ARID1B: variants seen among roughly 807,000 people sequenced by gnomAD.
ARID1B encodes AT-rich interactive domain-containing protein 1B.
Under a neutral mutation model 212.3 loss-of-function variants are expected in ARID1B, and 30 were observed. The ratio of observed to expected loss-of-function variants is 0.14; its 90% confidence interval spans 0.11 to 0.19. The LOEUF is 0.19. ARID1B is among the 10% of genes least tolerant of loss of function. The pLI is 1.00. For missense variants in ARID1B, 2,891 were observed against 3,204.0 expected (o/e 0.90, Z 2.36); for synonymous variants, 1,402 against 1,301.7 (o/e 1.08, Z -1.66).
Position 157,148,805 on chromosome 6 carries a change from A to G in ARID1B, c.2943A>G (p.Gly981=). The change falls in exon 8 of 20, where the codon GGA becomes GGG. Residue 981 remains glycine, a synonymous_variant. Transcript: ENST00000636930. This position sits in a 1 kb window ranked among gnomAD's most constrained non-coding sequence, Gnocchi z 5.6. ...SAGMQNRPFP[G]NMSSMTPSSP... The stretch of plus-strand genomic sequence containing the variant: ...GGATGCAGAACAGACCATTTCCTGG[A>G]AATATGAGCAGCATGACCCCCAGTT... The G allele has an allele frequency of 6.2e-7, 1 of 1,613,018 alleles. No individual in the cohort carries two copies. The highest frequency in any genetic ancestry group is 8.5e-7 in the Non-Finnish European group (1 of 1,179,838).
At chr6:156,895,112 AT>A (rs1421312574) in intron 2 of ARID1B, among the ~76,000 whole-genome samples, 2 of 152,222 alleles carry the variant, frequency 1.3e-5, no homozygotes, top group Non-Finnish European at 2.9e-5. Flanking sequence ...GATTTCACAT[AT>A]CCTTTAATGT....
At chr6:156,948,612 A>T (rs1393742740) in intron 4 of ARID1B, among the ~76,000 whole-genome samples, 2 of 152,248 alleles carry the variant, frequency 1.3e-5, no homozygotes, top group East Asian at 1.9e-4. Flanking sequence ...ATTAAGACAC[A>T]GTATCTTGTC....
chr6:157,087,142 T>C (rs976734758), intron 5 of ARID1B, among the ~76,000 whole-genome samples: 1 of 152,194 alleles, frequency 6.6e-6, no homozygotes, highest in Non-Finnish European at 1.5e-5. Flanking sequence ...GGGAGGAAAT[T>C]AGGCAGCAAA....
intron 3 of ARID1B, among the ~76,000 whole-genome samples, chr6:156,909,700 G>C (rs1386919709): frequency 1.3e-5 from 2 of 152,182 alleles, no homozygotes; most frequent in African/African-American, 4.8e-5. Flanking sequence ...TTATCTGCCA[G>C]TTTTCTCTTG....
chr6:156,945,248 T>G (rs1391186586), intron 4 of ARID1B, among the ~76,000 whole-genome samples: 1 of 108,792 alleles, frequency 9.2e-6, no homozygotes, highest in Non-Finnish European at 1.9e-5. Flanking sequence ...TTTTTTTTTT[T>G]TTTTTTTTTT....
At chr6:157,187,326 G>A (rs1392542966) in intron 13 of ARID1B, among the ~76,000 whole-genome samples, 1 of 152,158 alleles carries the variant, frequency 6.6e-6, no homozygotes, top group Non-Finnish European at 1.5e-5. Flanking sequence ...CTGGCAGGTG[G>A]CTGACTGAAT....
chr6:156,916,806 G>C (rs1255516986), intron 3 of ARID1B, among the ~76,000 whole-genome samples: 4 of 152,070 alleles, frequency 2.6e-5, no homozygotes, highest in African/African-American at 9.7e-5. Context: ...TAAGATACTG[G>C]AAGAGACCTC....
At position 157,133,012 on chromosome 6, in the gene ARID1B, T is replaced by C. The variant is rs765068837; in HGVS notation, c.2582-16T>C. ...AAACACCTGCATTTATATGTTTCCATTTATTTCCCACTTAGGTTTTATGGC... is the reference window on the plus strand; with the variant it reads ...AAACACCTGCATTTATATGTTTCCACTTATTTCCCACTTAGGTTTTATGGC... On this transcript the variant is annotated splice_polypyrimidine_tract_variant and intron_variant, in intron 6 of 19. Coordinates refer to ENST00000636930, the MANE Select transcript of ARID1B (RefSeq NM_001374828.1). The C allele has an allele frequency of 3.6e-5, 57 of 1,591,798 alleles. No individual in the cohort carries two copies. The highest frequency in any genetic ancestry group is 4.5e-5 in the Non-Finnish European group (53 of 1,170,838).
In ARID1B at chr6:156,779,337, G is replaced by A. The variant is rs960728816; in HGVS notation, c.1657G>A (p.Ala553Thr). The change falls in exon 1 of 20, where the codon GCC becomes ACC. Residue 553 changes from alanine (A) to threonine (T), a missense_variant. By Grantham distance (58) the Ala-to-Thr change is moderately conservative. Coordinates refer to ENST00000636930, the MANE Select transcript of ARID1B (RefSeq NM_001374828.1). ...AGAAAGGQQA[A>T]AGMGLGKDMG... The stretch of plus-strand genomic sequence containing the variant: ...GGCGGCGGCGGGCGGCCAGCAGGCG[G>A]CCGCGGGCATGGGCTTGGGCAAGGA... 1 of 1,150,616 alleles carries A rather than the reference G, an allele frequency of 8.7e-7. No individual in the cohort carries two copies. Among genetic ancestry groups the A allele is most frequent in the Non-Finnish European group, 1.1e-6 (1 of 937,384 alleles). The allele number at this position is 1,150,616 out of a possible 1,614,324, so 71.3% of individuals were successfully genotyped here. A position where few individuals can be genotyped will look rare whatever the true frequency, so the allele number is the denominator to read the frequency against.
chr6:156,776,533 G>T (rs558399104), upstream of ARID1B: 1 of 152,310 alleles, frequency 6.6e-6, no homozygotes, highest in South Asian at 2.1e-4. Context: ...GAAGATACGA[G>T]CTAACCCATA....
intron 2 of ARID1B, among the ~76,000 whole-genome samples, chr6:156,844,075 A>C (rs1784076440): frequency 6.6e-6 from 1 of 152,128 alleles, no homozygotes; most frequent in African/African-American, 2.4e-5. Context: ...GTCTTTGTGA[A>C]TTTTACAGAA....
intron 8 of ARID1B, among the ~76,000 whole-genome samples, chr6:157,160,942 C>T (rs145068351): frequency 5.9e-5 from 9 of 152,330 alleles, no homozygotes; most frequent in African/African-American, 1.2e-4. Context: ...CTCCAAGCCA[C>T]GCATGTGGTC....
rs191961692 is a variant in ARID1B at position 157,136,702 on chromosome 6, A to C, written c.2761+3495A>C. ...CATGGTGAAACACTGCCTCTACTAAAAGTACAAAACTTAGCCGGGTGCGGT... is the reference window on the plus strand; with the variant it reads ...CATGGTGAAACACTGCCTCTACTAACAGTACAAAACTTAGCCGGGTGCGGT... On this transcript the variant is annotated intron_variant, in intron 7 of 19. Coordinates refer to ENST00000636930, the MANE Select transcript of ARID1B (RefSeq NM_001374828.1). Among the ~76,000 whole-genome samples, 22 of 151,906 alleles carry C rather than the reference A, an allele frequency of 1.4e-4. No homozygotes were observed. The East Asian group carries it at 4.1e-3, about 28-fold the overall frequency.
chr6:157,116,614 A>G (rs1259525544), intron 6 of ARID1B, among the ~76,000 whole-genome samples: 1 of 151,650 alleles, frequency 6.6e-6, no homozygotes, highest in Non-Finnish European at 1.5e-5. Flanking sequence ...TCGGACACAG[A>G]TGCAAGCAGA....
chr6:156,930,999 G>T (rs1385861526), intron 3 of ARID1B, among the ~76,000 whole-genome samples: 4 of 151,924 alleles, frequency 2.6e-5, no homozygotes, highest in Non-Finnish European at 4.4e-5. Context: ...GACCATTCTG[G>T]CCAACACAGT....
intron 1 of ARID1B, among the ~76,000 whole-genome samples, chr6:156,803,528 G>A (rs1176082902): frequency 6.6e-6 from 1 of 151,130 alleles, no homozygotes; most frequent in East Asian, 1.9e-4. Flanking sequence ...ACTTACCTTT[G>A]CCTTCGTTTT....
Position 157,148,747 on chromosome 6 carries a change from G to T in ARID1B, c.2885G>T (p.Gly962Val), listed in dbSNP as rs780312215. The T allele has an allele frequency of 1.2e-6, 2 of 1,613,260 alleles. No individual in the cohort carries two copies. The highest frequency in any genetic ancestry group is 1.7e-4 in the Middle Eastern group (1 of 6,058). The change falls in exon 8 of 20, where the codon GGT (glycine) becomes GTT (valine). Residue 962 changes from glycine (G) to valine (V), a missense_variant. Physicochemically the swap from Gly to Val is moderately radical, Grantham distance 109. Transcript: ENST00000636930. The surrounding 1 kb of genome is among the most constrained non-coding windows in gnomAD (Gnocchi z 5.6). ...GGACAAGGGCCAAGCCAGCCATGTGGTGCTGTGCCCCTGGGACGAATGCCA... is the reference window on the plus strand; with the variant it reads ...GGACAAGGGCCAAGCCAGCCATGTGTTGCTGTGCCCCTGGGACGAATGCCA... ...MHGQGPSQPC[G>V]AVPLGRMPSA...
At chr6:156,948,368 A>T (rs1157181567) in intron 4 of ARID1B, among the ~76,000 whole-genome samples, 2 of 151,632 alleles carry the variant, frequency 1.3e-5, no homozygotes, top group African/African-American at 2.4e-5. Flanking sequence ...GTGTGCCACC[A>T]CGCCTGGCTA....
intron 2 of ARID1B, among the ~76,000 whole-genome samples, chr6:156,886,859 G>A (rs1787550326): frequency 6.6e-6 from 1 of 152,150 alleles, no homozygotes; most frequent in Non-Finnish European, 1.5e-5. Context: ...CTGTGTACTG[G>A]ATATATTTTT....
Sources: allele counts gnomAD v4.1 joint callset (sites outside exome capture counted in the v4.1 genomes callset), GRCh38; gene constraint gnomAD v4.1.1; non-coding constraint Gnocchi (gnomAD v3.1); transcripts MANE v1.5; gene names NCBI Gene and HGNC (gene_info 2026-07-23, HGNC 2026-07-21).